RP1: variants seen among roughly 807,000 people sequenced by gnomAD.
RP1 encodes oxygen-regulated protein 1.
Under a neutral mutation model 14.8 loss-of-function variants are expected in RP1, and 16 were observed. That is an observed-to-expected ratio of 1.08 (90% confidence interval 0.73 to 1.65). The LOEUF (loss-of-function observed/expected upper bound fraction) is 1.65. RP1 is among the 40% of genes most tolerant of loss of function. The pLI, the probability that RP1 is intolerant of heterozygous loss-of-function variation, is 0.00. For missense variants in RP1, 2,631 were observed against 2,535.0 expected, an observed-to-expected ratio of 1.04 and a Z score of -0.81; for synonymous variants, 876 against 883.6, an observed-to-expected ratio of 0.99 and a Z score of 0.15.
chr8:54,819,475 A>T (rs1243787650), intron 24 of RP1, among the ~76,000 whole-genome samples: 1 of 151,966 alleles, frequency 6.6e-6, no homozygotes, highest in African/African-American at 2.4e-5. Flanking sequence ...GTGCCTTATT[A>T]GTTTGCTTGG....
At chr8:54,759,131 T>C (rs1809577985) in intron 22 of RP1, 3 of 154,776 alleles carry the variant, frequency 1.9e-5, no homozygotes, top group Non-Finnish European at 2.3e-5. Context: ...TGGATGATGC[T>C]GTGTGTGTGT....
At chr8:54,694,060 G>A (rs1003039392) in intron 12 of RP1, among the ~76,000 whole-genome samples, 3 of 152,098 alleles carry the variant, frequency 2.0e-5, no homozygotes, top group Non-Finnish European at 2.9e-5. Context: ...GGCCTTTTCT[G>A]CATTTACTGA....
rs568731451 is a variant in RP1 at position 54,795,919 on chromosome 8, G to A, written c.3615+12209G>A. ...TTCCTTCTCTTTGCAAATCTTCAAAGTACTAACCCATACTCATTCCTTTAC... is the reference window on the plus strand; with the variant it reads ...TTCCTTCTCTTTGCAAATCTTCAAAATACTAACCCATACTCATTCCTTTAC... On this transcript the variant is annotated intron_variant, in intron 24 of 28. Transcript: ENST00000637698. 2.6e-5 allele frequency among the ~76,000 whole-genome samples: 4 copies of A among 152,208 alleles called. No homozygotes were observed. The South Asian group carries it at 8.3e-4, about 32-fold the overall frequency.
chr8:54,721,907 C>A lies in RP1; in HGVS notation c.2389+1601C>A, dbSNP rs141159085. Among the ~76,000 whole-genome samples the A allele has an allele frequency of 3.4e-3, 519 of 152,266 alleles. 1 individual carries two copies. The highest frequency in any genetic ancestry group is 0.012 in the African/African-American group (485 of 41,558). On this transcript the variant is annotated intron_variant, in intron 16 of 22. Coordinates refer to the RP1 transcript ENST00000636932. Reference sequence around the variant, plus strand: ...TTGGGATTTCTGAGTGTTAAAAACTCTATCTTAGGGGATTTTGTGAAGAGT... The same window carrying A: ...TTGGGATTTCTGAGTGTTAAAAACTATATCTTAGGGGATTTTGTGAAGAGT...
chr8:54,836,095 A>G (rs1811649752), intron 24 of RP1, among the ~76,000 whole-genome samples: 1 of 152,220 alleles, frequency 6.6e-6, no homozygotes, highest in African/African-American at 2.4e-5. Context: ...TATCACCAAT[A>G]TGACAACCCA....
intron 1 of RP1, among the ~76,000 whole-genome samples, chr8:54,581,759 A>G (rs914634533): frequency 6.6e-6 from 1 of 152,186 alleles, no homozygotes; most frequent in African/African-American, 2.4e-5. Flanking sequence ...ATGGCCAGTG[A>G]TAATGAGCAT....
At chr8:54,641,676 A>G (rs1806457202) in intron 3 of RP1, among the ~76,000 whole-genome samples, 1 of 152,128 alleles carries the variant, frequency 6.6e-6, no homozygotes, top group African/African-American at 2.4e-5. Context: ...CTCTCATGAG[A>G]ATGCGTGGTC....
In RP1 at chr8:54,625,933, G is replaced by C; in HGVS notation, c.2051G>C (p.Arg684Thr). 1 of 1,613,864 alleles carries C rather than the reference G, an allele frequency of 6.2e-7. No individual in the cohort carries two copies. Among genetic ancestry groups the C allele is most frequent in the Non-Finnish European group, 8.5e-7 (1 of 1,179,924 alleles). Residue 684 changes from arginine (R) to threonine (T), a missense_variant, in exon 4 of 4, where the codon AGG (arginine) becomes ACG (threonine). Coordinates refer to ENST00000220676, the MANE Select transcript of RP1 (RefSeq NM_006269.2). ...TCTCGACAGCAAGCAATAAATTCCA[G>C]GTATCAAGATGGACAGCTTGCAACC... The part of the protein sequence containing the change: ...KKSRQQAINS[R>T]YQDGQLATKG...
chr8:54,838,137 T>C (rs1301194712), intron 25 of RP1, among the ~76,000 whole-genome samples: 1 of 152,218 alleles, frequency 6.6e-6, no homozygotes, highest in African/African-American at 2.4e-5. Flanking sequence ...CAAGAATAGA[T>C]GTGTGTGTTC....
rs576840219 is a variant in RP1, at chr8:54,706,937, CTGAG to C, written c.2211+285_2211+288del. Among the ~76,000 whole-genome samples the C allele has an allele frequency of 7.6e-4, 116 of 152,152 alleles. 1 individual carries two copies. Among genetic ancestry groups the C allele is most frequent in the African/African-American group, 2.7e-3 (112 of 41,508 alleles). ...TGATTGAGGAAGGCTGGCGTGGGAC[CTGAG>C]TGTTTACGTTTCTAACAAGCTCTCA... is the stretch of plus-strand genomic sequence containing the variant. On this transcript the variant is annotated intron_variant, in intron 15 of 22. Coordinates refer to the RP1 transcript ENST00000636932.
chr8:54,845,014 G>A (rs952408067), intron 25 of RP1, among the ~76,000 whole-genome samples: 7 of 152,190 alleles, frequency 4.6e-5, no homozygotes, highest in African/African-American at 1.4e-4. Context: ...ACAGGCTGGT[G>A]GATGGCACTC....
At chr8:54,754,721 A>G in intron 19 of RP1, 1 of 1,361,836 alleles carries the variant, frequency 7.3e-7, no homozygotes, top group Non-Finnish European at 9.6e-7. Context: ...CACTTTTGAA[A>G]TCCCTGGGAT....
chr8:54,793,181 GA>G (rs1471280958), intron 24 of RP1, among the ~76,000 whole-genome samples: 1 of 151,764 alleles, frequency 6.6e-6, no homozygotes, highest in Non-Finnish European at 1.5e-5. Context: ...TAAGGAGATT[GA>G]ATCAGTAATC....
At chr8:54,694,564 C>T (rs1289857131) in intron 12 of RP1, among the ~76,000 whole-genome samples, 2 of 150,844 alleles carry the variant, frequency 1.3e-5, no homozygotes, top group Non-Finnish European at 3.0e-5. Flanking sequence ...ATATGTGTTG[C>T]GGAATTTATC....
At chr8:54,846,723 A>G (rs1325289895) in intron 25 of RP1, among the ~76,000 whole-genome samples, 1 of 152,036 alleles carries the variant, frequency 6.6e-6, no homozygotes, top group African/African-American at 2.4e-5. Flanking sequence ...GCCCCTCTTA[A>G]TACTCCATAC....
chr8:54,806,786 T>C (rs1376290630), intron 24 of RP1, among the ~76,000 whole-genome samples: 1 of 152,208 alleles, frequency 6.6e-6, no homozygotes, highest in East Asian at 1.9e-4. Context: ...TTTAACAAAT[T>C]GTAATGGGTG....
chr8:54,720,081 C>G, intron 15 of RP1: 2 of 1,355,450 alleles, frequency 1.5e-6, no homozygotes, highest in South Asian at 3.0e-5. Context: ...TAAATTCTGT[C>G]TTTTAGGACT....
intron 1 of RP1, among the ~76,000 whole-genome samples, chr8:54,563,249 G>C (rs1034191807): frequency 6.6e-6 from 1 of 152,192 alleles, no homozygotes; most frequent in Non-Finnish European, 1.5e-5. Context: ...GGCTGAGAGG[G>C]AGGAGGGCCT....
rs78727978 is a variant in RP1, at chr8:54,822,124, T to C, written c.3616-15326T>C. Among the ~76,000 whole-genome samples, 262 of 152,328 alleles carry C rather than the reference T, an allele frequency of 1.7e-3. 5 individuals are homozygous for C. In the East Asian group the frequency reaches 0.034, roughly 20 times the overall value. ...AAAAGTGAATATAAAGTGTACAAAA[T>C]GTAGTTGTAATACAGAGAAGGGTAT... On this transcript the variant is annotated intron_variant, in intron 24 of 28. Coordinates refer to the RP1 transcript ENST00000637698.
Sources: gnomAD v4.1 joint callset for allele counts (sites outside exome capture counted in the v4.1 genomes callset) on GRCh38, gnomAD v4.1.1 for gene constraint, MANE v1.5 for transcripts, NCBI Gene and HGNC (gene_info 2026-07-23, HGNC 2026-07-21) for gene names.